Variants in PCDH19 observed in about 807,000 individuals in gnomAD.
The protein encoded by PCDH19 is protocadherin 19, also known as protocadherin-19.
In PCDH19, 6 loss-of-function variants were observed where a neutral mutation model predicts 46.2. The ratio of observed to expected loss-of-function variants is 0.13; its 90% confidence interval spans 0.07 to 0.26. The LOEUF (loss-of-function observed/expected upper bound fraction) is 0.26, where lower values mean the gene tolerates loss of function less well. Among genes scored for constraint, PCDH19 ranks in the 10% least tolerant of loss-of-function variants. The probability of loss-of-function intolerance (pLI) is 1.00; values close to 1 mark genes in which losing one functional copy is unlikely to be tolerated. For missense variants in PCDH19, 740 were observed against 972.3 expected, an observed-to-expected ratio of 0.76 and a Z score of 3.18; for synonymous variants, 481 against 415.7, an observed-to-expected ratio of 1.16 and a Z score of -1.91.
intron 5 of PCDH19, among the ~76,000 whole-genome samples, chrX:100,298,766 G>A (rs920170922): frequency 8.9e-6 from 1 of 111,870 alleles, no homozygotes; most frequent in Non-Finnish European, 1.9e-5. Context: ...AAATATGAAA[G>A]TAAGGGAAGC....
At chrX:100,316,314 T>C (rs1189542033) in intron 5 of PCDH19, among the ~76,000 whole-genome samples, 1 of 112,386 alleles carries the variant, frequency 8.9e-6, no homozygotes, top group Non-Finnish European at 1.9e-5. Context: ...ACGAATATCA[T>C]TGATTGGGTT....
chrX:100,409,862 A>G lies in PCDH19; in HGVS notation c.-1265T>C, dbSNP rs1928545651. On this transcript the variant is annotated 5_prime_UTR_variant, in exon 1 of 6. Transcript: ENST00000373034. ...GAGCGTCTTGATTTCATCTTCCCGG[A>G]GAGGCGCTGGCCGCGCTGCGTTGGG... is the stretch of plus-strand genomic sequence containing the variant. 9.9e-6 allele frequency: 3 copies of G among 303,814 alleles called. No individual in the cohort carries two copies. The East Asian group carries it at 1.6e-4, about 16-fold the overall frequency. 25.0% of individuals were successfully genotyped at this position (303,814 alleles called of 1,213,427 possible).
At chrX:100,333,112 GGGAAGGAAGGAA>G (rs778212504) in intron 5 of PCDH19, among the ~76,000 whole-genome samples, 965 of 34,868 alleles carry the variant, frequency 0.028, 43 homozygotes, top group African/African-American at 0.056. Context: ...GAAGGAGGGA[GGGAAGGAAGGAA>G]GGAAGGAAGG....
intron 5 of PCDH19, among the ~76,000 whole-genome samples, chrX:100,306,283 T>C (rs1010468540): frequency 3.6e-5 from 4 of 111,821 alleles, no homozygotes; most frequent in African/African-American, 9.7e-5. Context: ...TGCAAATACA[T>C]GGAAGTTAAA....
rs1208401282 is a variant in PCDH19, at chrX:100,301,297, G to GTGTTTGATAATGCTGGCAGT, written c.2849-4442_2849-4423dup. Among the ~76,000 whole-genome samples, 6 of 112,342 alleles carry GTGTTTGATAATGCTGGCAGT rather than the reference G, an allele frequency of 5.3e-5. No individual in the cohort carries two copies. In the East Asian group the frequency reaches 1.4e-3, roughly 26 times the overall value. ...GTATAGATATCCAGTCACAATGGAT[G>GTGTTTGATAATGCTGGCAGT]TGTTTGATAATGCTGGCAGTTCTTT... On this transcript the variant is annotated intron_variant, in intron 5 of 5. Transcript: ENST00000373034.
At chrX:100,396,307 C>A in intron 3 of PCDH19, among the ~76,000 whole-genome samples, 1 of 111,995 alleles carries the variant, frequency 8.9e-6, no homozygotes, top group Non-Finnish European at 1.9e-5. Flanking sequence ...CTGCGCTGGG[C>A]ACAATAAGCC....
chrX:100,374,485 T>C (rs1042074471), intron 3 of PCDH19, among the ~76,000 whole-genome samples: 1 of 111,944 alleles, frequency 8.9e-6, no homozygotes, highest in Non-Finnish European at 1.9e-5. Context: ...ACTGGCATTA[T>C]GGTCTTTATA....
intron 5 of PCDH19, among the ~76,000 whole-genome samples, chrX:100,340,045 G>A (rs1482689405): frequency 9.0e-6 from 1 of 111,095 alleles, no homozygotes; most frequent in Non-Finnish European, 1.9e-5. Context: ...TGTAAAGTGA[G>A]GTATACAAGG....
intron 3 of PCDH19, among the ~76,000 whole-genome samples, chrX:100,393,493 T>TACACACACAC (rs1191391184): frequency 7.9e-5 from 2 of 25,348 alleles, no homozygotes; most frequent in Non-Finnish European, 1.6e-4. Context: ...TACACATACA[T>TACACACACAC]ACATACACAC....
At chrX:100,322,370 T>A (rs1480597236) in intron 5 of PCDH19, among the ~76,000 whole-genome samples, 4 of 111,023 alleles carry the variant, frequency 3.6e-5, no homozygotes, top group African/African-American at 1.3e-4. Flanking sequence ...TGAAGATAAG[T>A]TGGCTGTTAA....
chrX:100,332,862 T>C (rs901154855), intron 5 of PCDH19, among the ~76,000 whole-genome samples: 12 of 107,452 alleles, frequency 1.1e-4, no homozygotes, highest in Non-Finnish European at 3.8e-5. Context: ...CAAAATAAAT[T>C]AGCCAAGCAT....
Position 100,294,686 on chromosome X carries a change from C to A in PCDH19, c.*1591G>T, listed in dbSNP as rs1052921987. 9.0e-6 allele frequency: 1 copy of A among 111,660 alleles called. No homozygotes were observed. The highest frequency in any genetic ancestry group is 2.8e-4 in the East Asian group (1 of 3,553). 9.2% of individuals were successfully genotyped at this position (111,660 alleles called of 1,213,427 possible). ...ACCATAAAACTTGTTTCTCTAGAAACAACTCTCTTAAGACCAAGGCAGAAC... is the reference window on the plus strand; with the variant it reads ...ACCATAAAACTTGTTTCTCTAGAAAAAACTCTCTTAAGACCAAGGCAGAAC... On this transcript the variant is annotated 3_prime_UTR_variant, in exon 6 of 6. Transcript: ENST00000373034.
At chrX:100,383,410 C>T (rs373460039) in intron 3 of PCDH19, among the ~76,000 whole-genome samples, 1 of 111,795 alleles carries the variant, frequency 8.9e-6, no homozygotes, top group Non-Finnish European at 1.9e-5. Context: ...GCGCTCCATA[C>T]GAAATAGAGA....
chrX:100,403,402 G>A (rs1400450536), intron 2 of PCDH19, 122 bp downstream of exon 2: 7 of 668,112 alleles, frequency 1.0e-5, no homozygotes, highest in Admixed American at 5.9e-5. Context: ...ATTCTTTCGC[G>A]TCTCCTCCAC....
Position 100,294,883 on chromosome X carries a change from G to C in PCDH19, c.*1394C>G, listed in dbSNP as rs1924543701. On this transcript the variant is annotated 3_prime_UTR_variant, in exon 6 of 6. Coordinates refer to ENST00000373034, the MANE Select transcript of PCDH19 (RefSeq NM_001184880.2). ...TTAATTTAAAAAGGGTGTATTCCTA[G>C]CCTACAGCAAAAAGAGTTGGCTAAA... 1 of 112,381 alleles carries C rather than the reference G, an allele frequency of 8.9e-6. No homozygotes were observed. The highest frequency in any genetic ancestry group is 1.9e-5 in the Non-Finnish European group (1 of 53,195). 9.3% of individuals were successfully genotyped at this position (112,381 alleles called of 1,213,427 possible).
chrX:100,392,789 C>CCT (rs1927898897), intron 3 of PCDH19, among the ~76,000 whole-genome samples: 1 of 111,572 alleles, frequency 9.0e-6, no homozygotes, highest in South Asian at 3.8e-4. Context: ...GCCCTGCCTC[C>CCT]CTCAAGCATG....
At chrX:100,346,581 T>C (rs1489617321) in intron 4 of PCDH19, among the ~76,000 whole-genome samples, 1 of 111,871 alleles carries the variant, frequency 8.9e-6, no homozygotes, top group African/African-American at 3.2e-5. Context: ...TAGTCTTTAA[T>C]AGAAAAATGC....
chrX:100,370,444 T>C (rs912885517), intron 3 of PCDH19, among the ~76,000 whole-genome samples: 1 of 111,984 alleles, frequency 8.9e-6, no homozygotes, highest in Non-Finnish European at 1.9e-5. Context: ...CCTAGACGTA[T>C]TTTTCCCTGA....
chrX:100,313,667 T>C (rs888765592), intron 5 of PCDH19, among the ~76,000 whole-genome samples: 3 of 111,589 alleles, frequency 2.7e-5, no homozygotes, highest in African/African-American at 9.8e-5. Flanking sequence ...CGCCTAGCTG[T>C]AGAGCTAAGG....
Sources: gnomAD v4.1 joint callset for allele counts (sites outside exome capture counted in the v4.1 genomes callset) on GRCh38, gnomAD v4.1.1 for gene constraint, MANE v1.5 for transcripts, NCBI Gene and HGNC (gene_info 2026-07-23, HGNC 2026-07-21) for gene names.